PSMC2: variants seen among roughly 807,000 people sequenced by gnomAD.
PSMC2 encodes 26S proteasome regulatory subunit 7.
PSMC2 carries 7 observed loss-of-function variants against 53.3 expected under a neutral mutation model. The observed-to-expected ratio is 0.13, with a 90% CI of 0.07 to 0.25. The LOEUF (loss-of-function observed/expected upper bound fraction) is 0.25, where lower values mean the gene tolerates loss of function less well. PSMC2 is among the 10% of genes least tolerant of loss of function. The probability of loss-of-function intolerance (pLI) is 1.00; values close to 1 mark genes in which losing one functional copy is unlikely to be tolerated. For missense variants in PSMC2, 241 were observed against 544.0 expected, an observed-to-expected ratio of 0.44 and a Z score of 5.54; for synonymous variants, 169 against 183.9, an observed-to-expected ratio of 0.92 and a Z score of 0.66.
chr7:103,363,484 T>G, intron 7 of PSMC2, 45 bp downstream of exon 7: 1 of 1,526,936 alleles, frequency 6.5e-7, no homozygotes, highest in Middle Eastern at 1.7e-4. Flanking sequence ...TATAAAGATG[T>G]CTTTTGTGTA....
chr7:103,353,838 CAGAAAA>C (rs1819869528), intron 1 of PSMC2, 77 bp from the exon 2 acceptor site: 2 of 1,182,602 alleles, frequency 1.7e-6, no homozygotes. Flanking sequence ...TTGAATCGAA[CAGAAAA>C]AAAGCTCTAG....
chr7:103,366,743 T>TA (rs1167073085), intron 9 of PSMC2, among the ~76,000 whole-genome samples: 1 of 152,224 alleles, frequency 6.6e-6, no homozygotes, highest in Non-Finnish European at 1.5e-5. Context: ...TTAGTGCACA[T>TA]AAAATAATGT....
At chr7:103,350,254 A>G (rs907499557) in intron 1 of PSMC2, among the ~76,000 whole-genome samples, 3 of 152,202 alleles carry the variant, frequency 2.0e-5, no homozygotes, top group Admixed American at 6.5e-5. Context: ...AAAGTGGCAG[A>G]AAGGACAGGC....
Position 103,368,143 on chromosome 7 carries a change from C to G in PSMC2, c.*89C>G, listed in dbSNP as rs7792404. 12,537 of 1,179,460 alleles carry G rather than the reference C, an allele frequency of 0.011. 82 individuals carry two copies. Among genetic ancestry groups the G allele is most frequent in the Non-Finnish European group, 0.012 (10,731 of 861,396 alleles). The allele number at this position is 1,179,460 out of a possible 1,614,324, so 73.1% of individuals were successfully genotyped here. On this transcript the variant is annotated 3_prime_UTR_variant, in exon 12 of 12. Coordinates refer to ENST00000292644, the MANE Select transcript of PSMC2 (RefSeq NM_002803.4). ...AACCAATTCATAAACAAATAAATGGCTTCAAAATTGTATGCTTTTTTCCAT... is the reference window on the plus strand; with the variant it reads ...AACCAATTCATAAACAAATAAATGGGTTCAAAATTGTATGCTTTTTTCCAT...
In PSMC2 at chr7:103,367,230, C is replaced by CAAAG. The variant is rs147363592; in HGVS notation, c.845-181_845-178dup. On this transcript the variant is annotated intron_variant, in intron 9 of 11. Coordinates refer to ENST00000292644, the MANE Select transcript of PSMC2 (RefSeq NM_002803.4). The surrounding 1 kb of genome is among the most constrained non-coding windows in gnomAD (Gnocchi z 6.1). Reference sequence around the variant, plus strand: ...AATCTGTGATGAATACTTTTGAAAGCAAAGATTCACTTTCTAATTAGTTTT... The same window carrying CAAAG: ...AATCTGTGATGAATACTTTTGAAAGCAAAGAAAGATTCACTTTCTAATTAGTTTT... 0.068 allele frequency among the ~76,000 whole-genome samples: 10,308 copies of CAAAG among 152,138 alleles called. 491 individuals carry two copies. The highest frequency in any genetic ancestry group is 0.14 in the African/African-American group (5,667 of 41,464).
Position 103,347,695 on chromosome 7 carries a change from C to A in PSMC2, c.-17C>A, listed in dbSNP as rs138514927. 1,160 of 1,613,780 alleles carry A rather than the reference C, an allele frequency of 7.2e-4. No homozygotes were observed. Among genetic ancestry groups the A allele is most frequent in the Non-Finnish European group, 9.0e-4 (1,066 of 1,179,802 alleles). ...CTGTGTAATCATTAAGGAGCGGAGG[C>A]TTTTGGAGCTGCTAAAATGCCGGAT... On this transcript the variant is annotated 5_prime_UTR_variant, in exon 1 of 12. Transcript: ENST00000292644.
intron 8 of PSMC2, among the ~76,000 whole-genome samples, chr7:103,364,891 CA>C (rs1452352727): frequency 6.7e-6 from 1 of 149,120 alleles, no homozygotes; most frequent in East Asian, 2.0e-4. Flanking sequence ...ACTTTTACTT[CA>C]GGGGCAGTGT....
intron 6 of PSMC2, among the ~76,000 whole-genome samples, chr7:103,363,074 G>C: frequency 6.6e-6 from 1 of 152,138 alleles, no homozygotes; most frequent in East Asian, 1.9e-4. Context: ...GATTCCAGGC[G>C]TGAGCCACTG....
At position 103,362,773 on chromosome 7, in the gene PSMC2, G is replaced by C. The variant is rs922147623; in HGVS notation, c.495+15G>C. 2.0e-6 allele frequency: 3 copies of C among 1,530,206 alleles called. No individual in the cohort carries two copies. In the East Asian group the frequency reaches 6.8e-5, roughly 34 times the overall value. The allele number at this position is 1,530,206 out of a possible 1,614,324, so 94.8% of individuals were successfully genotyped here. A position where few individuals can be genotyped will look rare whatever the true frequency, so the allele number is the denominator to read the frequency against. On this transcript the variant is annotated intron_variant, in intron 6 of 11. Transcript: ENST00000292644. ...CCATGATGCAGGTAAGAAACTATGG[G>C]AGGGAAAAGGAAGGCTATGTCTTTT...
In PSMC2 at chr7:103,347,778, C is replaced by T; in HGVS notation, c.67C>T (p.Arg23Ter). 6.2e-7 allele frequency: 1 copy of T among 1,613,832 alleles called. No individual in the cohort carries two copies. Among genetic ancestry groups the T allele is most frequent in the Non-Finnish European group, 8.5e-7 (1 of 1,179,810 alleles). Residue 23 changes from arginine (R) to a stop codon, truncating the protein, a stop_gained, in exon 1 of 12, where the codon CGA (arginine) becomes TGA (stop). Coordinates refer to ENST00000292644, the MANE Select transcript of PSMC2 (RefSeq NM_002803.4). LOFTEE classifies it high-confidence loss of function. ...GGATGAGAAGGACGACAAGCCCATC[C>T]GAGGTCAGTTGACATGGGCCGGAGC... Reference protein sequence around the residue: ...KEDEKDDKPIRALDEGDIALL... With the variant: ...KEDEKDDKPI
intron 1 of PSMC2, chr7:103,348,837 C>G: frequency 1.6e-6 from 1 of 616,754 alleles, no homozygotes; most frequent in South Asian, 1.7e-5. Context: ...GTTCTTTGTA[C>G]ATAAAATAAA....
chr7:103,347,567 C>A (rs1819629377), upstream of PSMC2: 2 of 856,074 alleles, frequency 2.3e-6, no homozygotes, highest in African/African-American at 1.7e-5. Context: ...TTCCCCAGGG[C>A]TCTGTCCGGA....
chr7:103,355,197 CA>C (rs1287122275), intron 3 of PSMC2, among the ~76,000 whole-genome samples: 1 of 152,156 alleles, frequency 6.6e-6, no homozygotes, highest in Non-Finnish European at 1.5e-5. Flanking sequence ...TTCTGTTGGT[CA>C]AAACCCAGTT....
intron 4 of PSMC2, among the ~76,000 whole-genome samples, chr7:103,361,510 C>CAAAAAAAAAAAAA (rs759044767): frequency 2.0e-5 from 1 of 51,096 alleles, no homozygotes; most frequent in East Asian, 5.8e-4. Context: ...AACTCCATCT[C>CAAAAAAAAAAAAA]AAAAAAAAAA....
intron 4 of PSMC2, among the ~76,000 whole-genome samples, chr7:103,357,064 G>A (rs1321444546): frequency 6.6e-6 from 1 of 152,048 alleles, no homozygotes; most frequent in Non-Finnish European, 1.5e-5. Flanking sequence ...GGCAGCTCAC[G>A]CCTGTAATCC....
rs565859901 is a variant in PSMC2, at chr7:103,353,616, T to G, written c.71-305T>G. On this transcript the variant is annotated intron_variant, in intron 1 of 11. Transcript: ENST00000292644. ...GCCACCGCACGGGGCCTGCATTGTA[T>G]TTCATTGTATGACTATGGTATAATT... 6.6e-5 allele frequency among the ~76,000 whole-genome samples: 10 copies of G among 152,356 alleles called. No homozygotes were observed. In the East Asian group the frequency reaches 1.7e-3, roughly 26 times the overall value.
chr7:103,363,915 T>C (rs1820552255), intron 7 of PSMC2, among the ~76,000 whole-genome samples: 1 of 152,212 alleles, frequency 6.6e-6, no homozygotes, highest in Non-Finnish European at 1.5e-5. Context: ...AAAAGCCATT[T>C]AGTCTTATGT....
In PSMC2 at chr7:103,367,988, T is replaced by C. The variant is rs373941772; in HGVS notation, c.1236T>C (p.Ala412=). ...CTACCGAGAAGGATTTCTTGGAAGC[T>C]GTAAATAAGGTCATTAAGTCTTATG... ...KIATEKDFLE[A]VNKVIKSYAK... The change falls in exon 12 of 12, where the codon GCT becomes GCC. Residue 412 remains alanine (A), a synonymous_variant. Transcript: ENST00000292644. This position sits in a 1 kb window ranked among gnomAD's most constrained non-coding sequence, Gnocchi z 6.1. The C allele has an allele frequency of 2.5e-6, 4 of 1,614,060 alleles. No individual in the cohort carries two copies. Among genetic ancestry groups the C allele is most frequent in the Middle Eastern group, 1.6e-4 (1 of 6,062 alleles).
Position 103,367,360 on chromosome 7 carries a change from A to T in PSMC2, c.845-53A>T. 2.6e-6 allele frequency: 4 copies of T among 1,566,718 alleles called. No homozygotes were observed. In the South Asian group the frequency reaches 4.5e-5, roughly 17 times the overall value. ...TTTTTGGTACTTTCAGGTCATGCAT[A>T]GTGCTACTCTTGAGTGGACTTGAAG... On this transcript the variant is annotated intron_variant, in intron 9 of 11. Transcript: ENST00000292644. This position sits in a 1 kb window ranked among gnomAD's most constrained non-coding sequence, Gnocchi z 6.1.
Sources: gnomAD v4.1 joint callset for allele counts (sites outside exome capture counted in the v4.1 genomes callset) on GRCh38, gnomAD v4.1.1 for gene constraint, Gnocchi (gnomAD v3.1) non-coding constraint, MANE v1.5 for transcripts, NCBI Gene and HGNC (gene_info 2026-07-23, HGNC 2026-07-21) for gene names.